Variants in KCNC2 observed in about 807,000 individuals in gnomAD.
KCNC2 encodes the protein potassium voltage-gated channel subfamily C member 2.
Under a neutral mutation model 44.5 loss-of-function variants are expected in KCNC2, and 21 were observed. That is an observed-to-expected ratio of 0.47 (90% confidence interval 0.33 to 0.68). The LOEUF (loss-of-function observed/expected upper bound fraction) is 0.68. Ranked by LOEUF, KCNC2 falls within the 30% of genes least tolerant of loss-of-function variation. The pLI is 0.01. For missense variants in KCNC2, 589 were observed against 826.2 expected (o/e 0.71, Z 3.52); for synonymous variants, 391 against 339.1 (o/e 1.15, Z -1.68).
intron 2 of KCNC2, among the ~76,000 whole-genome samples, chr12:75,205,009 G>A (rs2031575928): frequency 6.6e-6 from 1 of 152,104 alleles, no homozygotes. Context: ...AATTCCAGGA[G>A]CGAAAGTCCT....
intron 2 of KCNC2, among the ~76,000 whole-genome samples, chr12:75,063,659 A>C (rs1265479033): frequency 6.6e-6 from 1 of 152,090 alleles, no homozygotes; most frequent in Non-Finnish European, 1.5e-5. Context: ...TGGGAACTAA[A>C]TTACCTCAAG....
chr12:75,148,310 A>G (rs1367701823), intron 2 of KCNC2, among the ~76,000 whole-genome samples: 6 of 152,094 alleles, frequency 3.9e-5, no homozygotes, highest in Non-Finnish European at 8.8e-5. Context: ...GAAACTGACA[A>G]CCATAAGCTC....
At chr12:75,107,112 A>G (rs553535146) in intron 2 of KCNC2, among the ~76,000 whole-genome samples, 52 of 152,104 alleles carry the variant, frequency 3.4e-4, no homozygotes, top group South Asian at 2.9e-3. Context: ...AGACCATCCT[A>G]GCTAACATGG....
chr12:75,061,603 A>G (rs1882340720), intron 2 of KCNC2, among the ~76,000 whole-genome samples: 1 of 145,264 alleles, frequency 6.9e-6, no homozygotes. Context: ...ACACACACAC[A>G]CACACACACA....
At chr12:75,174,392 A>T (rs550586635) in intron 2 of KCNC2, among the ~76,000 whole-genome samples, 19 of 152,044 alleles carry the variant, frequency 1.2e-4, no homozygotes, top group African/African-American at 4.6e-4. Context: ...AGGTAAAGTA[A>T]TTGAATGGGC....
At chr12:75,190,927 T>C (rs997452328) in intron 2 of KCNC2, among the ~76,000 whole-genome samples, 24 of 152,178 alleles carry the variant, frequency 1.6e-4, no homozygotes, top group Middle Eastern at 3.4e-3. Context: ...TTATCATTTA[T>C]ATATGGCATA....
At chr12:75,203,037 A>G (rs1361102729) in intron 2 of KCNC2, among the ~76,000 whole-genome samples, 1 of 151,792 alleles carries the variant, frequency 6.6e-6, no homozygotes, top group East Asian at 1.9e-4. Context: ...TAAAATTTTA[A>G]TAATTGACAA....
chr12:75,179,275 A>G lies in KCNC2; in HGVS notation c.687+28022T>C, dbSNP rs1892397158. Among the ~76,000 whole-genome samples the G allele has an allele frequency of 3.3e-5, 5 of 152,064 alleles. No homozygotes were observed. The South Asian group carries it at 1.0e-3, about 31-fold the overall frequency. On this transcript the variant is annotated intron_variant, in intron 2 of 4. Transcript: ENST00000549446. ...CATTCAGAGGGCGAAATTTTTTTTA[A>G]CTGAAAATCAATTGCACCTTGGAAA...
intron 2 of KCNC2, among the ~76,000 whole-genome samples, chr12:75,130,090 G>A (rs1471183028): frequency 1.3e-5 from 2 of 151,814 alleles, no homozygotes; most frequent in African/African-American, 4.8e-5. Context: ...TTGGTTCTAA[G>A]GTGATATTCC....
Position 75,041,485 on chromosome 12 carries a change from A to T in KCNC2, c.*1620T>A. 5.0e-6 allele frequency: 6 copies of T among 1,208,446 alleles called. No individual in the cohort carries two copies. The highest frequency in any genetic ancestry group is 6.2e-6 in the Non-Finnish European group (6 of 961,132). 74.9% of individuals were successfully genotyped at this position (1,208,446 alleles called of 1,614,324 possible). A position where few individuals can be genotyped will look rare whatever the true frequency, so the allele number is the denominator to read the frequency against. ...TAAACATGAGAAATAGGAATTAATC[A>T]GCAGTCTCAAGGCTCCCAAATGCCT... On this transcript the variant is annotated 3_prime_UTR_variant, in exon 5 of 5. Coordinates refer to ENST00000549446, the MANE Select transcript of KCNC2 (RefSeq NM_139137.4).
chr12:75,207,291 C>A lies in KCNC2; in HGVS notation c.687+6G>T, dbSNP rs1462313806. On this transcript the variant is annotated splice_donor_region_variant and intron_variant, in intron 2 of 4. Transcript: ENST00000549446. This position sits in a 1 kb window ranked among gnomAD's most constrained non-coding sequence, Gnocchi z 4.1. ...GCAGCAGGGAAGGGGTCGATTCTGG[C>A]CTTACCCTGGCGGCTCTGGACGAGT... 3.9e-6 allele frequency: 6 copies of A among 1,532,478 alleles called. No individual in the cohort carries two copies. In the African/African-American group the frequency reaches 4.2e-5, roughly 11 times the overall value. 94.9% of individuals were successfully genotyped at this position (1,532,478 alleles called of 1,614,324 possible). A position where few individuals can be genotyped will look rare whatever the true frequency, so the allele number is the denominator to read the frequency against.
chr12:75,181,154 G>T (rs939882946), intron 2 of KCNC2, among the ~76,000 whole-genome samples: 1 of 151,964 alleles, frequency 6.6e-6, no homozygotes, highest in Non-Finnish European at 1.5e-5. Flanking sequence ...AAAACTAAAA[G>T]ATCAATTCAT....
chr12:75,131,154 G>A (rs1888817783), intron 2 of KCNC2, among the ~76,000 whole-genome samples: 3 of 152,006 alleles, frequency 2.0e-5, no homozygotes, highest in Non-Finnish European at 4.4e-5. Context: ...TAATTACAAA[G>A]TGACTCAAAG....
rs554646739 is a variant in KCNC2 at position 75,150,803 on chromosome 12, C to G, written c.687+56494G>C. On this transcript the variant is annotated intron_variant, in intron 2 of 4. Transcript: ENST00000549446. ...AATGCTCTTCTGAATATCATCAATA[C>G]TTTCATAACTAGATTTTTCTTTATA... is the stretch of plus-strand genomic sequence containing the variant. Among the ~76,000 whole-genome samples the G allele has an allele frequency of 9.9e-5, 15 of 151,876 alleles. No homozygotes were observed. The South Asian group carries it at 2.7e-3, about 27-fold the overall frequency.
rs1413021453 is a variant in KCNC2, at chr12:75,069,459, CA to C, written c.688-18143del. On this transcript the variant is annotated intron_variant, in intron 2 of 4. Coordinates refer to ENST00000549446, the MANE Select transcript of KCNC2 (RefSeq NM_139137.4). ...CCTCAATGTTATATAATCTTAAAGT[CA>C]AAACAATTTTCATCTCAAACATAGC... is the stretch of plus-strand genomic sequence containing the variant. Among the ~76,000 whole-genome samples the C allele has an allele frequency of 3.3e-5, 5 of 152,106 alleles. No homozygotes were observed. In the East Asian group the frequency reaches 9.6e-4, roughly 29 times the overall value.
Position 75,083,724 on chromosome 12 carries a change from A to G in KCNC2, c.688-32407T>C, listed in dbSNP as rs79280647. 2.8e-3 allele frequency among the ~76,000 whole-genome samples: 432 copies of G among 152,050 alleles called. 3 individuals are homozygous for G. Among genetic ancestry groups the G allele is most frequent in the African/African-American group, 9.9e-3 (412 of 41,520 alleles). ...AAATAAATCAGGAAATTGGCAACTCAAATGAATTGCCATATTTGTAACTCA... is the reference window on the plus strand; with the variant it reads ...AAATAAATCAGGAAATTGGCAACTCGAATGAATTGCCATATTTGTAACTCA... On this transcript the variant is annotated intron_variant, in intron 2 of 4. Transcript: ENST00000549446.
chr12:75,106,311 A>G (rs1421339839), intron 2 of KCNC2, among the ~76,000 whole-genome samples: 3 of 152,146 alleles, frequency 2.0e-5, no homozygotes, highest in Admixed American at 1.3e-4. Flanking sequence ...TGGAGAGGAA[A>G]TATGGACAGC....
intron 2 of KCNC2, among the ~76,000 whole-genome samples, chr12:75,126,503 G>T (rs1888433977): frequency 6.6e-6 from 1 of 152,062 alleles, no homozygotes; most frequent in African/African-American, 2.4e-5. Context: ...TTACAGTATA[G>T]TGTGATAAAT....
At chr12:75,188,888 T>C (rs1449026130) in intron 2 of KCNC2, among the ~76,000 whole-genome samples, 1 of 149,634 alleles carries the variant, frequency 6.7e-6, no homozygotes, top group Admixed American at 6.7e-5. Flanking sequence ...AATAAATAAA[T>C]AAATAAATAA....
Sources: allele counts gnomAD v4.1 joint callset (sites outside exome capture counted in the v4.1 genomes callset), GRCh38; gene constraint gnomAD v4.1.1; non-coding constraint Gnocchi (gnomAD v3.1); transcripts MANE v1.5; gene names NCBI Gene and HGNC (gene_info 2026-07-23, HGNC 2026-07-21).